Variants in NCSTN observed in about 807,000 individuals in gnomAD.
The protein encoded by NCSTN is anterior pharynx-defective 2.
NCSTN carries 22 observed loss-of-function variants against 87.0 expected under a neutral mutation model. That is an observed-to-expected ratio of 0.25 (90% CI 0.18 to 0.36). NCSTN has a LOEUF of 0.36. Among genes scored for constraint, NCSTN ranks in the 10% least tolerant of loss-of-function variants. The probability of loss-of-function intolerance (pLI) is 1.00; values close to 1 mark genes in which losing one functional copy is unlikely to be tolerated. For synonymous variants in NCSTN, 306 were observed against 327.1 expected (o/e 0.94, Z 0.69); for missense variants, 693 against 883.3 (o/e 0.78, Z 2.73).
chr1:160,351,654 C>G, intron 6 of NCSTN, 42 bp from the exon 7 acceptor site: 1 of 1,505,210 alleles, frequency 6.6e-7, no homozygotes. Context: ...GCTACCTTCT[C>G]CTTTAGCCTT....
intron 12 of NCSTN, 31 bp from the exon 13 acceptor site, chr1:160,355,832 G>A: frequency 6.2e-7 from 1 of 1,606,580 alleles, no homozygotes; most frequent in Non-Finnish European, 8.5e-7. Context: ...AGGAGAGGTG[G>A]GCCATTCAGC....
chr1:160,352,668 A>G (rs574747092), intron 8 of NCSTN, among the ~76,000 whole-genome samples: 1 of 152,270 alleles, frequency 6.6e-6, no homozygotes, highest in African/African-American at 2.4e-5. Flanking sequence ...TACTTTCCCC[A>G]TTTCTGGGCT....
chr1:160,348,756 A>C (rs968920906), intron 2 of NCSTN, among the ~76,000 whole-genome samples: 2 of 152,202 alleles, frequency 1.3e-5, no homozygotes, highest in Admixed American at 1.3e-4. Context: ...GGGCAAAAAA[A>C]TGAAGTTCAC....
In NCSTN at chr1:160,356,680, T is replaced by A. The variant is rs745837646; in HGVS notation, c.1720T>A (p.Leu574Met). The change falls in exon 15 of 17, where the codon TTG becomes ATG. Residue 574 changes from leucine (L) to methionine (M), a missense_variant. This residue lies in a region of NCSTN where 216 missense variants were observed against 311.7 expected (regional missense o/e 0.69). Coordinates refer to ENST00000294785, the MANE Select transcript of NCSTN (RefSeq NM_015331.3). ...TYVVQYALANLTGTVVNLTRE... is the reference protein window; with the variant it reads ...TYVVQYALANMTGTVVNLTRE... ...TGTTGTACAGTATGCCTTGGCAAATTTGACTGGCACAGTGGTCAACCTCAC... is the reference window on the plus strand; with the variant it reads ...TGTTGTACAGTATGCCTTGGCAAATATGACTGGCACAGTGGTCAACCTCAC... 6.2e-7 allele frequency: 1 copy of A among 1,614,208 alleles called. No homozygotes were observed. The highest frequency in any genetic ancestry group is 8.5e-7 in the Non-Finnish European group (1 of 1,180,042).
chr1:160,358,372 C>T lies in NCSTN; in HGVS notation c.*101C>T, dbSNP rs1649239877. ...ATTTGTCACTGGAACCTCCCTGGGC[C>T]TGTCTCAGATTGGGATTAACATAAA... On this transcript the variant is annotated 3_prime_UTR_variant, in exon 17 of 17. Transcript: ENST00000294785. The T allele has an allele frequency of 6.7e-7, 1 of 1,491,924 alleles. No individual in the cohort carries two copies. The highest frequency in any genetic ancestry group is 1.4e-5 in the African/African-American group (1 of 72,552). 92.4% of individuals were successfully genotyped at this position (1,491,924 alleles called of 1,614,324 possible). A position where few individuals can be genotyped will look rare whatever the true frequency, so the allele number is the denominator to read the frequency against.
intron 4 of NCSTN, among the ~76,000 whole-genome samples, 171 bp from the exon 5 acceptor site, chr1:160,349,934 A>T (rs551133842): frequency 1.3e-4 from 20 of 152,090 alleles, no homozygotes; most frequent in Admixed American, 3.3e-4. Context: ...CCCTGATACC[A>T]TTGTCTTTCT....
chr1:160,358,145 G>A lies in NCSTN; in HGVS notation c.2008-4G>A. On this transcript the variant is annotated splice_region_variant and splice_polypyrimidine_tract_variant and intron_variant, in intron 16 of 16. Transcript: ENST00000294785. ...GTCCTTTCCTGCCCTCCCTCCCCCT[G>A]CAGTTGATCACCCTGACAGTGGGCT... is the stretch of plus-strand genomic sequence containing the variant. 1 of 1,614,038 alleles carries A rather than the reference G, an allele frequency of 6.2e-7. No individual in the cohort carries two copies. The highest frequency in any genetic ancestry group is 1.1e-5 in the South Asian group (1 of 91,078).
rs1648760401 is a variant in NCSTN at position 160,350,210 on chromosome 1, T to C, written c.542T>C (p.Phe181Ser). The part of the protein sequence containing the change: ...LAYEDFSFPI[F>S]LLEDENETKV... ...TATGAAGACTTTAGTTTCCCCATCT[T>C]TCTTCTTGAAGATGAAAATGAAACC... The change falls in exon 5 of 17, where the codon TTT becomes TCT. Residue 181 changes from phenylalanine to serine, a missense_variant. Around this residue, in one of 4 missense-constraint regions of NCSTN, gnomAD observed 235 missense variants for 233.9 expected, o/e 1.00. Transcript: ENST00000294785. 2 of 1,614,064 alleles carry C rather than the reference T, an allele frequency of 1.2e-6. No individual in the cohort carries two copies. The highest frequency in any genetic ancestry group is 3.3e-5 in the Admixed American group (2 of 59,998).
intron 5 of NCSTN, among the ~76,000 whole-genome samples, chr1:160,350,825 G>A (rs1400230035): frequency 6.6e-6 from 1 of 152,256 alleles, no homozygotes; most frequent in East Asian, 1.9e-4. Context: ...TTGACTCATA[G>A]AGTAGTTAAG....
chr1:160,358,205 CTG>C lies in NCSTN; in HGVS notation c.2065_2066del (p.Cys689HisfsTer6). 6.2e-7 allele frequency: 1 copy of C among 1,614,202 alleles called. No homozygotes were observed. Among genetic ancestry groups the C allele is most frequent in the South Asian group, 1.1e-5 (1 of 91,078 alleles). On this transcript the variant is annotated frameshift_variant, in exon 17 of 17. Coordinates refer to ENST00000294785, the MANE Select transcript of NCSTN (RefSeq NM_015331.3). LOFTEE classifies it high-confidence loss of function. ...TCATCTTCTCCCTCATCGTCACCTA[CTG>C]CATCAATGCCAAAGCTGATGTCCTT... ...ILIFSLIVTY[C>X]INAKADVLFI...
intron 11 of NCSTN, among the ~76,000 whole-genome samples, chr1:160,354,495 C>T (rs887946340): frequency 6.6e-6 from 1 of 152,214 alleles, no homozygotes; most frequent in African/African-American, 2.4e-5. Flanking sequence ...AACTCATCCT[C>T]ACCCTTAGCC....
At chr1:160,354,011 G>A in intron 10 of NCSTN, 107 bp from the exon 11 acceptor site, 1 of 1,205,832 alleles carries the variant, frequency 8.3e-7, no homozygotes, top group Non-Finnish European at 1.2e-6. Context: ...AGATAGGGTA[G>A]CTCCCCAAGC....
chr1:160,347,064 T>G (rs1003409080), intron 2 of NCSTN, among the ~76,000 whole-genome samples: 19 of 152,320 alleles, frequency 1.2e-4, no homozygotes, highest in South Asian at 1.2e-3. Flanking sequence ...CCTTTGGGAA[T>G]AAGTCATTCT....
In NCSTN at chr1:160,349,093, G is replaced by A. The variant is rs1223845317; in HGVS notation, c.285G>A (p.Met95Ile). ...VLTDGPNPPY[M>I]VLLESKHFTR... Reference sequence around the variant, plus strand: ...CTGATGGCCCCAACCCCCCTTACATGGTTCTGCTGGAGAGCAAGCATTTTA... The same window carrying A: ...CTGATGGCCCCAACCCCCCTTACATAGTTCTGCTGGAGAGCAAGCATTTTA... Residue 95 changes from methionine to isoleucine, a missense_variant, in exon 3 of 17, where the codon ATG becomes ATA. Transcript: ENST00000294785. The A allele has an allele frequency of 5.0e-6, 8 of 1,614,134 alleles. No homozygotes were observed. Among genetic ancestry groups the A allele is most frequent in the African/African-American group, 1.3e-5 (1 of 75,020 alleles).
chr1:160,354,352 G>A, intron 11 of NCSTN, 62 bp downstream of exon 11: 1 of 1,574,856 alleles, frequency 6.3e-7, no homozygotes, highest in Non-Finnish European at 8.7e-7. Flanking sequence ...TGCAGTCTGG[G>A]AGGAAGGTCA....
chr1:160,358,712 C>T lies in NCSTN; in HGVS notation c.*441C>T, dbSNP rs1649255766. 3.7e-6 allele frequency: 1 copy of T among 272,868 alleles called. No homozygotes were observed. The highest frequency in any genetic ancestry group is 7.2e-6 in the Non-Finnish European group (1 of 138,950). 16.9% of individuals were successfully genotyped at this position (272,868 alleles called of 1,614,324 possible). On this transcript the variant is annotated 3_prime_UTR_variant, in exon 17 of 17. Coordinates refer to ENST00000294785, the MANE Select transcript of NCSTN (RefSeq NM_015331.3). The stretch of plus-strand genomic sequence containing the variant: ...TGTCAGGGTCAAACTACATTGAGCC[C>T]CTGAGGACAGGGGCATCTCTGGGCT...
intron 1 of NCSTN, 153 bp downstream of exon 1, chr1:160,343,634 C>T: frequency 1.2e-6 from 1 of 809,922 alleles, no homozygotes; most frequent in Non-Finnish European, 2.1e-6. Context: ...GACAGAAGTT[C>T]CCCCTTTGCC....
intron 2 of NCSTN, 116 bp downstream of exon 2, chr1:160,344,942 C>A: frequency 1.2e-6 from 1 of 855,132 alleles, no homozygotes. Flanking sequence ...TGTATGTAGG[C>A]AGTTACAGAT....
At position 160,356,602 on chromosome 1, in the gene NCSTN, G is replaced by C. The variant is rs920433270; in HGVS notation, c.1642G>C (p.Asp548His). 1.2e-6 allele frequency: 2 copies of C among 1,614,046 alleles called. No homozygotes were observed. Among genetic ancestry groups the C allele is most frequent in the African/African-American group, 2.7e-5 (2 of 74,908 alleles). The change falls in exon 15 of 17, where the codon GAC becomes CAC. Residue 548 changes from aspartate to histidine, a missense_variant and splice_region_variant. Transcript: ENST00000294785. ...LRQDLRSYLG[D>H]GPLQHYIAVS... is the part of the protein sequence containing the mutation. ...CCTTCCCTTTGGTCTGCACTCAGGT[G>C]ACGGGCCTCTTCAACATTACATCGC... is the stretch of plus-strand genomic sequence containing the variant.
Sources: allele counts gnomAD v4.1 joint callset (sites outside exome capture counted in the v4.1 genomes callset), GRCh38; gene constraint gnomAD v4.1.1; regional missense constraint gnomAD v4.1.1; transcripts MANE v1.5; gene names NCBI Gene and HGNC (gene_info 2026-07-23, HGNC 2026-07-21).